Variants in BTBD9 observed in about 807,000 individuals in gnomAD.
BTBD9 encodes the protein BTB domain containing 9, also known as BTB/POZ domain-containing protein 9.
Under a neutral mutation model 64.3 loss-of-function variants are expected in BTBD9, and 49 were observed. The observed-to-expected ratio is 0.76, with a 90% CI of 0.61 to 0.97. The LOEUF is 0.97. Among genes scored for constraint, BTBD9 ranks in the 50% least tolerant of loss-of-function variants. The pLI is 0.00. For missense variants in BTBD9, 598 were observed against 762.1 expected (o/e 0.78, Z 2.53); for synonymous variants, 260 against 274.7 (o/e 0.95, Z 0.53).
chr6:38,263,979 G>A (rs1247094897), intron 8 of BTBD9, among the ~76,000 whole-genome samples: 1 of 152,216 alleles, frequency 6.6e-6, no homozygotes, highest in East Asian at 1.9e-4. Context: ...TACAGGACCA[G>A]AGAGACAACG....
intron 6 of BTBD9, among the ~76,000 whole-genome samples, chr6:38,455,158 C>T (rs1033493098): frequency 1.3e-5 from 2 of 152,202 alleles, no homozygotes; most frequent in East Asian, 3.9e-4. Context: ...TAGTAAAAGT[C>T]CCCCTTTTGG....
intron 6 of BTBD9, among the ~76,000 whole-genome samples, chr6:38,481,407 T>C (rs1479461493): frequency 2.6e-5 from 4 of 152,194 alleles, no homozygotes; most frequent in African/African-American, 7.2e-5. Flanking sequence ...GTCAGCTTAA[T>C]GTAAAATAAA....
intron 6 of BTBD9, among the ~76,000 whole-genome samples, chr6:38,368,761 C>A (rs1459808390): frequency 6.6e-6 from 1 of 152,164 alleles, no homozygotes; most frequent in Non-Finnish European, 1.5e-5. Context: ...TCCCCTGGAG[C>A]CTACCCATGG....
At chr6:38,221,858 G>T (rs1011481440) in intron 9 of BTBD9, among the ~76,000 whole-genome samples, 2 of 152,158 alleles carry the variant, frequency 1.3e-5, no homozygotes, top group African/African-American at 4.8e-5. Flanking sequence ...AGGCCTGGTG[G>T]TGCATGCCTG....
chr6:38,588,462 T>G lies in BTBD9; in HGVS notation c.814+4114A>C, dbSNP rs1776645751. On this transcript the variant is annotated intron_variant, in intron 4 of 10. Transcript: ENST00000481247. The stretch of plus-strand genomic sequence containing the variant: ...TAAGTAGCATGACCCCTCCTCCAAC[T>G]GGGCCTAATCCTTATATGTCCTCCC... The G allele has an allele frequency of 3.6e-6, 3 of 834,158 alleles. No individual in the cohort carries two copies. The African/African-American group carries it at 5.0e-5, about 14-fold the overall frequency. The allele number at this position is 834,158 out of a possible 1,614,324, so 51.7% of individuals were successfully genotyped here. A position where few individuals can be genotyped will look rare whatever the true frequency, so the allele number is the denominator to read the frequency against.
At chr6:38,574,910 G>A (rs1775959071) in intron 6 of BTBD9, among the ~76,000 whole-genome samples, 1 of 152,166 alleles carries the variant, frequency 6.6e-6, no homozygotes, top group South Asian at 2.1e-4. Context: ...ACAGCCCATT[G>A]TTTTTCTACT....
In BTBD9 at chr6:38,320,315, G is replaced by A. The variant is rs188921290; in HGVS notation, c.1264+24669C>T. On this transcript the variant is annotated intron_variant, in intron 7 of 10. Transcript: ENST00000481247. ...AATTTGGTGTTCCTGGGGGGAGGAT[G>A]ACCAGTGGAGGCTTCTATTTGGCCA... 1.9e-3 allele frequency among the ~76,000 whole-genome samples: 288 copies of A among 152,304 alleles called. 2 individuals carry two copies. The highest frequency in any genetic ancestry group is 6.6e-3 in the African/African-American group (275 of 41,560).
At chr6:38,619,833 T>C (rs1004961908) in intron 1 of BTBD9, among the ~76,000 whole-genome samples, 2 of 152,212 alleles carry the variant, frequency 1.3e-5, no homozygotes, top group African/African-American at 4.8e-5. Flanking sequence ...TTGGGAGACT[T>C]TGCTCTTTTC....
intron 6 of BTBD9, among the ~76,000 whole-genome samples, chr6:38,395,360 T>C (rs1222315819): frequency 1.3e-5 from 2 of 152,030 alleles, no homozygotes; most frequent in Non-Finnish European, 2.9e-5. Flanking sequence ...TGCTTAAACT[T>C]GGGAGGTTAA....
intron 6 of BTBD9, among the ~76,000 whole-genome samples, chr6:38,545,869 C>CACAG (rs1774531455): frequency 2.1e-5 from 3 of 142,316 alleles, no homozygotes; most frequent in African/African-American, 8.3e-5. Flanking sequence ...CACACACACA[C>CACAG]ACACACACAC....
In BTBD9 at chr6:38,457,208, G is replaced by C. The variant is rs529191219; in HGVS notation, c.1155-112115C>G. On this transcript the variant is annotated intron_variant, in intron 6 of 10. Transcript: ENST00000481247. ...ACCATTTAAGGTCACATAGGCCTTG[G>C]AGGGATTTGGAGGTGAGACACCAAT... Among the ~76,000 whole-genome samples the C allele has an allele frequency of 2.0e-5, 3 of 152,284 alleles. No individual in the cohort carries two copies. The South Asian group carries it at 6.2e-4, about 32-fold the overall frequency.
At chr6:38,264,274 G>A (rs1157870314) in intron 8 of BTBD9, among the ~76,000 whole-genome samples, 2 of 152,144 alleles carry the variant, frequency 1.3e-5, no homozygotes, top group Non-Finnish European at 2.9e-5. Flanking sequence ...GAGAACGAAG[G>A]GCCAGGAAAA....
chr6:38,575,682 GTAATA>G (rs766296787), intron 6 of BTBD9, among the ~76,000 whole-genome samples: 2 of 152,090 alleles, frequency 1.3e-5, no homozygotes, highest in Non-Finnish European at 2.9e-5. Context: ...AAGGAAAGTA[GTAATA>G]TAATAAAGTG....
intron 4 of BTBD9, among the ~76,000 whole-genome samples, chr6:38,583,362 G>A (rs1328077130): frequency 2.0e-5 from 3 of 152,126 alleles, no homozygotes; most frequent in Non-Finnish European, 4.4e-5. Context: ...AGCCAGGTGT[G>A]GTGGCATGAG....
rs1762132501 is a variant in BTBD9 at position 38,192,743 on chromosome 6, C to G, written c.1563-146G>C. 3 of 685,064 alleles carry G rather than the reference C, an allele frequency of 4.4e-6. No homozygotes were observed. The Admixed American group carries it at 6.6e-5, about 15-fold the overall frequency. 42.4% of individuals were successfully genotyped at this position (685,064 alleles called of 1,614,324 possible). ...AGGAGGGGCAGGCAGCTGGGCTGCA[C>G]CTAACGTATGGCTGAGAGAGGCAGG... On this transcript the variant is annotated intron_variant, in intron 9 of 10. Transcript: ENST00000481247.
intron 7 of BTBD9, among the ~76,000 whole-genome samples, chr6:38,299,728 T>C (rs1011252965): frequency 2.6e-5 from 4 of 152,244 alleles, no homozygotes; most frequent in African/African-American, 9.6e-5. Context: ...TGTAAATTTG[T>C]TGGAGTTCAT....
At chr6:38,582,003 G>C (rs145488631) in intron 4 of BTBD9, among the ~76,000 whole-genome samples, 79 of 152,208 alleles carry the variant, frequency 5.2e-4, no homozygotes, top group African/African-American at 1.7e-3. Flanking sequence ...GGGAAAGTCT[G>C]GGCTATAATC....
chr6:38,413,652 C>CA (rs200706954), intron 6 of BTBD9, among the ~76,000 whole-genome samples: 2,043 of 152,294 alleles, frequency 0.013, 49 homozygotes, highest in African/African-American at 0.047. Context: ...TGGTACATCT[C>CA]TGTTTTACAT....
At chr6:38,425,768 T>A (rs1768114833) in intron 6 of BTBD9, among the ~76,000 whole-genome samples, 1 of 150,004 alleles carries the variant, frequency 6.7e-6, no homozygotes, top group African/African-American at 2.5e-5. Flanking sequence ...AAAAAAAAAA[T>A]TAGCAGGGCT....
Sources: allele counts gnomAD v4.1 joint callset (sites outside exome capture counted in the v4.1 genomes callset), GRCh38; gene constraint gnomAD v4.1.1; transcripts MANE v1.5; gene names NCBI Gene and HGNC (gene_info 2026-07-23, HGNC 2026-07-21).